Variants in OOEP observed in about 807,000 individuals in gnomAD.
The protein encoded by OOEP is oocyte expressed protein.
OOEP carries 16 observed loss-of-function variants against 13.7 expected under a neutral mutation model. The observed-to-expected ratio is 1.16, with a 90% CI of 0.79 to 1.77. OOEP has a LOEUF of 1.77. Among genes scored for constraint, OOEP ranks in the 40% most tolerant of loss-of-function variants. The pLI is 0.00. For synonymous variants in OOEP, 89 were observed against 77.1 expected (o/e 1.15, Z -0.81); for missense variants, 195 against 193.1 (o/e 1.01, Z -0.06).
intron 1 of OOEP, 68 bp from the exon 2 acceptor site, chr6:73,369,453 T>C: frequency 2.6e-6 from 4 of 1,546,132 alleles, no homozygotes; most frequent in Non-Finnish European, 3.5e-6. Flanking sequence ...TTGAAGGGAA[T>C]GTTGGCCAGG....
At chr6:73,385,648 C>CG (rs1290849352) in intron 2 of OOEP, among the ~76,000 whole-genome samples, 1 of 149,832 alleles carries the variant, frequency 6.7e-6, no homozygotes, top group Non-Finnish European at 1.5e-5. Context: ...AGTGCAGTGG[C>CG]GTGGTCTTGG....
chr6:73,393,697 A>T (rs1389391861), intron 2 of OOEP, among the ~76,000 whole-genome samples: 1 of 152,212 alleles, frequency 6.6e-6, no homozygotes, highest in Non-Finnish European at 1.5e-5. Flanking sequence ...GCACACCTGT[A>T]GTCCCAACTA....
upstream of OOEP, among the ~76,000 whole-genome samples, chr6:73,372,723 G>A (rs9350494): frequency 1.2e-3 from 185 of 152,234 alleles, 8 homozygotes; most frequent in East Asian, 0.032. Flanking sequence ...GATGCACTGA[G>A]CCAACTTGGC....
At chr6:73,380,469 A>AT (rs1268201137) in intron 2 of OOEP, among the ~76,000 whole-genome samples, 1 of 152,158 alleles carries the variant, frequency 6.6e-6, no homozygotes, top group African/African-American at 2.4e-5. Flanking sequence ...ATGTCTATCT[A>AT]TAATAGAATG....
At chr6:73,383,441 G>A (rs1769233573) in intron 2 of OOEP, among the ~76,000 whole-genome samples, 1 of 152,188 alleles carries the variant, frequency 6.6e-6, no homozygotes, top group Non-Finnish European at 1.5e-5. Flanking sequence ...TTTGAGACCA[G>A]CCTGGTCAAT....
At chr6:73,376,469 A>G (rs927451983) in intron 2 of OOEP, among the ~76,000 whole-genome samples, 11 of 58,716 alleles carry the variant, frequency 1.9e-4, no homozygotes, top group African/African-American at 7.8e-4. Flanking sequence ...CCAACGAAAC[A>G]TGATTTTATT....
chr6:73,369,601 ACCAAAGAGCTC>A lies in OOEP; in HGVS notation c.181_190+1del. The stretch of plus-strand genomic sequence containing the variant: ...CCCACTAGCACACCTGGGGTCGCTC[ACCAAAGAGCTC>A]GTCTGCCAGCCATGCCTCTAGGTAG... On this transcript the variant is annotated splice_donor_variant and coding_sequence_variant, in exon 1 of 3. Coordinates refer to ENST00000370359, the MANE Select transcript of OOEP (RefSeq NM_001080507.3). LOFTEE classifies it high-confidence loss of function. 6.2e-7 allele frequency: 1 copy of A among 1,612,866 alleles called. No homozygotes were observed. Among genetic ancestry groups the A allele is most frequent in the South Asian group, 1.1e-5 (1 of 91,058 alleles).
Position 73,369,753 on chromosome 6 carries a change from T to C in OOEP, c.40A>G (p.Lys14Glu), listed in dbSNP as rs1582623125. Residue 14 changes from lysine (K) to glutamate (E), a missense_variant, in exon 1 of 3, where the codon AAA becomes GAA. Physicochemically the swap from Lys to Glu is moderately conservative, Grantham distance 56. Coordinates refer to ENST00000370359, the MANE Select transcript of OOEP (RefSeq NM_001080507.3). The stretch of plus-strand genomic sequence containing the variant: ...TCCAGGGAGTGGGCCGGAGTCTGTT[T>C]GCCCCGCTGGGACTCAGCGGCACCA... ...DAGAAESQRG[K>E]QTPAHSLEQL... 2.5e-6 allele frequency: 4 copies of C among 1,613,846 alleles called. No homozygotes were observed. In the African/African-American group the frequency reaches 4.0e-5, roughly 16 times the overall value.
chr6:73,394,690 A>T, intron 1 of OOEP: 2 of 658,344 alleles, frequency 3.0e-6, no homozygotes, highest in Middle Eastern at 8.6e-4. Flanking sequence ...ATTGGCTAAA[A>T]CTGGGAAAGT....
chr6:73,369,511 C>T (rs12214308), intron 1 of OOEP, 92 bp downstream of exon 1: 72,147 of 1,507,902 alleles, frequency 0.048, 1,928 homozygotes, highest in East Asian at 0.06. Flanking sequence ...TCCTGGCTTG[C>T]GAATCTGGGA....
chr6:73,388,462 C>T (rs1769304324), intron 2 of OOEP, among the ~76,000 whole-genome samples: 1 of 152,150 alleles, frequency 6.6e-6, no homozygotes, highest in African/African-American at 2.4e-5. Context: ...GCAGTGAACA[C>T]GTTAATTCTA....
At chr6:73,391,593 C>T (rs1371628589) in intron 2 of OOEP, 4 of 155,156 alleles carry the variant, frequency 2.6e-5, no homozygotes, top group Non-Finnish European at 5.8e-5. Context: ...GAGGAAGCCT[C>T]GTCTGTTGTC....
intron 2 of OOEP, among the ~76,000 whole-genome samples, chr6:73,381,205 TAAAAAAA>T (rs66507015): frequency 1.8e-4 from 18 of 101,000 alleles, no homozygotes; most frequent in East Asian, 2.8e-4. Context: ...AAAAAAGTGT[TAAAAAAA>T]AAAAAAAAAA....
At position 73,369,805 on chromosome 6, in the gene OOEP, A is replaced by G. The variant is rs1334857142; in HGVS notation, c.-13T>C. 3 of 1,607,492 alleles carry G rather than the reference A, an allele frequency of 1.9e-6. No individual in the cohort carries two copies. In the South Asian group the frequency reaches 3.3e-5, roughly 18 times the overall value. Reference sequence around the variant, plus strand: ...CATCATCGACCATACTGGGACCAGCAGCCGCGGAGCGCGCTCGAGGCGGCT... The same window carrying G: ...CATCATCGACCATACTGGGACCAGCGGCCGCGGAGCGCGCTCGAGGCGGCT... On this transcript the variant is annotated 5_prime_UTR_variant, in exon 1 of 3. Transcript: ENST00000370359.
chr6:73,386,227 G>T (rs185694259), intron 2 of OOEP, among the ~76,000 whole-genome samples: 1 of 151,870 alleles, frequency 6.6e-6, no homozygotes, highest in Admixed American at 6.6e-5. Flanking sequence ...CCTGAGTAGC[G>T]GGGATTACAG....
chr6:73,391,609 CACT>C (rs977158687), intron 2 of OOEP: 9 of 155,346 alleles, frequency 5.8e-5, no homozygotes, highest in African/African-American at 1.9e-4. Context: ...TTGTCCCCAC[CACT>C]GATTCCGACC....
chr6:73,393,584 T>A (rs1470345823), intron 2 of OOEP, among the ~76,000 whole-genome samples: 1 of 152,190 alleles, frequency 6.6e-6, no homozygotes, highest in Non-Finnish European at 1.5e-5. Flanking sequence ...CTCATACCTG[T>A]AATCCCTCAA....
intron 2 of OOEP, among the ~76,000 whole-genome samples, chr6:73,380,978 A>G (rs1489544742): frequency 6.6e-6 from 1 of 151,748 alleles, no homozygotes; most frequent in Non-Finnish European, 1.5e-5. Context: ...ACTAAACCCT[A>G]TCTCTACTAA....
chr6:73,384,095 C>A (rs1198874900), intron 2 of OOEP, among the ~76,000 whole-genome samples: 5 of 151,602 alleles, frequency 3.3e-5, no homozygotes, highest in Non-Finnish European at 7.4e-5. Context: ...GACCCTGTCT[C>A]TAAATAAATA....
Sources: gnomAD v4.1 joint callset for allele counts (sites outside exome capture counted in the v4.1 genomes callset) on GRCh38, gnomAD v4.1.1 for gene constraint, MANE v1.5 for transcripts, NCBI Gene and HGNC (gene_info 2026-07-23, HGNC 2026-07-21) for gene names.